Variants in PRELID2 observed in about 807,000 individuals in gnomAD.
PRELID2 encodes the protein PRELI domain-containing protein 2.
In PRELID2, 25 loss-of-function variants were observed where a neutral mutation model predicts 28.4. The observed-to-expected ratio is 0.88, with a 90% CI of 0.64 to 1.23. The LOEUF is 1.23. Ranked by LOEUF, PRELID2 falls within the 50% of genes most tolerant of loss-of-function variation. PRELID2 has a pLI of 0.00. For synonymous variants in PRELID2, 76 were observed against 71.6 expected (o/e 1.06, Z -0.31); for missense variants, 201 against 214.4 (o/e 0.94, Z 0.39).
intron 5 of PRELID2, among the ~76,000 whole-genome samples, chr5:145,783,499 C>T (rs1415068671): frequency 1.3e-5 from 2 of 152,172 alleles, no homozygotes; most frequent in Non-Finnish European, 2.9e-5. Flanking sequence ...TATACCTGGT[C>T]TAGAAATAAG....
chr5:145,493,752 G>T (rs1752287436), intron 1 of PRELID2, among the ~76,000 whole-genome samples: 1 of 151,756 alleles, frequency 6.6e-6, no homozygotes, highest in Non-Finnish European at 1.5e-5. Flanking sequence ...AGACAAAATC[G>T]TTATTCCTTC....
chr5:145,331,525 C>T, the PRELID2 span, among the ~76,000 whole-genome samples: 3 of 152,016 alleles, frequency 2.0e-5, no homozygotes, highest in Admixed American at 6.6e-5. Context: ...GACTATGTAA[C>T]GCCCTTCTTT....
At chr5:145,513,234 AC>A (rs1251817193) in intron 1 of PRELID2, among the ~76,000 whole-genome samples, 6 of 151,954 alleles carry the variant, frequency 3.9e-5, no homozygotes, top group Admixed American at 2.6e-4. Flanking sequence ...GAAGCTAAGA[AC>A]CTTGAAAAAA....
At chr5:145,479,434 A>G (rs1474074366) in intron 1 of PRELID2, among the ~76,000 whole-genome samples, 1 of 152,136 alleles carries the variant, frequency 6.6e-6, no homozygotes, top group East Asian at 1.9e-4. Flanking sequence ...TGCAGAGCCC[A>G]GCATACATCA....
chr5:145,508,992 CTG>C (rs1331197705), intron 1 of PRELID2, among the ~76,000 whole-genome samples: 1 of 152,134 alleles, frequency 6.6e-6, no homozygotes, highest in East Asian at 1.9e-4. Flanking sequence ...TAATCATAGT[CTG>C]TAAAAAACTG....
intron 1 of PRELID2, among the ~76,000 whole-genome samples, chr5:145,724,475 G>C (rs956914045): frequency 1.3e-5 from 2 of 150,588 alleles, no homozygotes; most frequent in East Asian, 3.9e-4. Flanking sequence ...GGCAAAAGTT[G>C]AACATAGATA....
the PRELID2 span, among the ~76,000 whole-genome samples, chr5:145,279,979 A>G: frequency 6.6e-6 from 1 of 152,132 alleles, no homozygotes; most frequent in African/African-American, 2.4e-5. Flanking sequence ...TCAATCACTA[A>G]ATGAATGATT....
chr5:145,353,883 T>C, the PRELID2 span, among the ~76,000 whole-genome samples: 3 of 152,142 alleles, frequency 2.0e-5, no homozygotes, highest in Non-Finnish European at 4.4e-5. Flanking sequence ...GAGGTCCTTC[T>C]CCAACTTTCT....
At chr5:145,825,225 C>CATAA (rs1755099091) in intron 1 of PRELID2, among the ~76,000 whole-genome samples, 1 of 60,402 alleles carries the variant, frequency 1.7e-5, no homozygotes, top group Non-Finnish European at 3.1e-5. Flanking sequence ...GACTCTGTCT[C>CATAA]AAAAAAAAAA....
intron 1 of PRELID2, among the ~76,000 whole-genome samples, chr5:145,653,978 T>A (rs1422945636): frequency 6.6e-6 from 1 of 151,268 alleles, no homozygotes; most frequent in East Asian, 1.9e-4. Context: ...TTTTAAAAGA[T>A]CAATAAAATT....
the PRELID2 span, among the ~76,000 whole-genome samples, chr5:145,390,238 C>G: frequency 6.6e-6 from 1 of 152,304 alleles, no homozygotes; most frequent in Admixed American, 6.5e-5. Context: ...ATAGAAGTTT[C>G]AGACCCAAAG....
intron 1 of PRELID2, among the ~76,000 whole-genome samples, chr5:145,834,284 G>T (rs6890408): frequency 0.089 from 13,607 of 152,154 alleles, 1,704 homozygotes; most frequent in African/African-American, 0.28. Flanking sequence ...TAGGACTTTA[G>T]TGGTCCCCTC....
At chr5:145,622,114 A>G (rs2149652523) in intron 1 of PRELID2, among the ~76,000 whole-genome samples, 1 of 152,322 alleles carries the variant, frequency 6.6e-6, no homozygotes, top group South Asian at 2.1e-4. Flanking sequence ...AACTGTCCAG[A>G]ATAAACAAAG....
At chr5:145,489,093 A>G (rs183185645) in intron 1 of PRELID2, among the ~76,000 whole-genome samples, 1 of 152,306 alleles carries the variant, frequency 6.6e-6, no homozygotes, top group African/African-American at 2.4e-5. Flanking sequence ...TACCCTATCT[A>G]TGAGTGATGG....
At chr5:145,500,447 C>T (rs1264086047) in intron 1 of PRELID2, among the ~76,000 whole-genome samples, 1 of 151,972 alleles carries the variant, frequency 6.6e-6, no homozygotes, top group East Asian at 1.9e-4. Flanking sequence ...TATCACTTAC[C>T]CAGTTTCAAG....
intron 1 of PRELID2, among the ~76,000 whole-genome samples, chr5:145,623,307 G>T (rs62394223): frequency 0.033 from 5,059 of 151,996 alleles, 177 homozygotes; most frequent in African/African-American, 0.081. Context: ...AATTAGCCAG[G>T]TGTGGTGGCG....
chr5:145,575,502 T>C (rs1405615506), intron 1 of PRELID2, among the ~76,000 whole-genome samples: 1 of 152,184 alleles, frequency 6.6e-6, no homozygotes, highest in Non-Finnish European at 1.5e-5. Context: ...ACAAGATAGA[T>C]AGCAGAAATT....
At chr5:145,312,298 C>T in the PRELID2 span, among the ~76,000 whole-genome samples, 1 of 152,166 alleles carries the variant, frequency 6.6e-6, no homozygotes, top group Admixed American at 6.5e-5. Context: ...CTGCAGTGAG[C>T]CAAGATCATG....
At chr5:145,494,817 A>C (rs1292317836) in intron 1 of PRELID2, among the ~76,000 whole-genome samples, 3 of 152,164 alleles carry the variant, frequency 2.0e-5, no homozygotes, top group Admixed American at 2.0e-4. Flanking sequence ...TAGATAAGAG[A>C]ATGAGAAAAT....
Sources: gnomAD v4.1 joint callset for allele counts (sites outside exome capture counted in the v4.1 genomes callset) on GRCh38, gnomAD v4.1.1 for gene constraint, MANE v1.5 for transcripts, NCBI Gene and HGNC (gene_info 2026-07-23, HGNC 2026-07-21) for gene names.